COLGALT2: variants seen among roughly 807,000 people sequenced by gnomAD.
The protein encoded by COLGALT2 is procollagen galactosyltransferase 2.
In COLGALT2, 49 loss-of-function variants were observed where a neutral mutation model predicts 73.4. The ratio of observed to expected loss-of-function variants is 0.67; its 90% CI spans 0.53 to 0.85. COLGALT2 has a LOEUF of 0.85. Ranked by LOEUF, COLGALT2 falls within the 40% of genes least tolerant of loss-of-function variation. The pLI is 0.00. For synonymous variants in COLGALT2, 295 were observed against 307.6 expected (o/e 0.96, Z 0.43); for missense variants, 722 against 790.2 (o/e 0.91, Z 1.03).
downstream of COLGALT2, among the ~76,000 whole-genome samples, chr1:183,932,875 A>G (rs1175472349): frequency 6.6e-6 from 1 of 152,092 alleles, no homozygotes; most frequent in Non-Finnish European, 1.5e-5. Context: ...TTCTCACCAG[A>G]AACTCTGCTC....
intron 10 of COLGALT2, among the ~76,000 whole-genome samples, chr1:183,942,350 G>C (rs1348458887): frequency 2.0e-5 from 3 of 151,612 alleles, no homozygotes; most frequent in Non-Finnish European, 4.4e-5. Flanking sequence ...AAAAAAAGAA[G>C]GTAAACTATG....
At position 183,935,842 on chromosome 1, in the gene COLGALT2, A is replaced by G; in HGVS notation, c.*2919T>C. On this transcript the variant is annotated 3_prime_UTR_variant, in exon 12 of 12. Coordinates refer to ENST00000361927, the MANE Select transcript of COLGALT2 (RefSeq NM_015101.4). The stretch of plus-strand genomic sequence containing the variant: ...CAATTGACAATCATATCTTTGAGCT[A>G]AGTTTTTTTTTAATTTTTCACAAAG... The G allele has an allele frequency of 1.0e-6, 1 of 985,066 alleles. No homozygotes were observed. Among genetic ancestry groups the G allele is most frequent in the Non-Finnish European group, 1.2e-6 (1 of 829,626 alleles). The allele number at this position is 985,066 out of a possible 1,614,324, so 61.0% of individuals were successfully genotyped here. A position where few individuals can be genotyped will look rare whatever the true frequency, so the allele number is the denominator to read the frequency against.
chr1:184,008,835 T>TTAG (rs1469823388), intron 1 of COLGALT2, among the ~76,000 whole-genome samples: 5 of 152,172 alleles, frequency 3.3e-5, no homozygotes, highest in Non-Finnish European at 7.4e-5. Context: ...TGAAGTATTT[T>TTAG]TAGTAGAGGC....
At chr1:184,027,297 C>T (rs1649360863) in intron 1 of COLGALT2, among the ~76,000 whole-genome samples, 1 of 152,144 alleles carries the variant, frequency 6.6e-6, no homozygotes, top group African/African-American at 2.4e-5. Flanking sequence ...ACTTTAAGTG[C>T]ATACATAGCC....
At chr1:183,997,848 A>C (rs962709602) in intron 1 of COLGALT2, among the ~76,000 whole-genome samples, 3 of 152,252 alleles carry the variant, frequency 2.0e-5, no homozygotes, top group Non-Finnish European at 2.9e-5. Context: ...GTAGTTGATA[A>C]ATTCACTGCC....
chr1:183,958,586 G>T (rs1670613770), intron 6 of COLGALT2, among the ~76,000 whole-genome samples: 1 of 151,598 alleles, frequency 6.6e-6, no homozygotes, highest in South Asian at 2.1e-4. Flanking sequence ...ACTTCAGAAA[G>T]AAAATATTCA....
intron 1 of COLGALT2, among the ~76,000 whole-genome samples, chr1:184,026,444 A>G (rs1323527893): frequency 6.6e-6 from 1 of 152,192 alleles, no homozygotes; most frequent in East Asian, 1.9e-4. Context: ...CTGAGTTGCA[A>G]TCTTCCCCAC....
chr1:184,022,157 C>T (rs978058154), intron 1 of COLGALT2, among the ~76,000 whole-genome samples: 1 of 152,240 alleles, frequency 6.6e-6, no homozygotes, highest in South Asian at 2.1e-4. Context: ...TCATTCTGTA[C>T]AAGGTGAAAG....
Position 183,937,130 on chromosome 1 carries a change from T to A in COLGALT2, c.*1631A>T. ...TACACTCGTACACTAAGCTTGTGTA[T>A]GTAGCACCACCCGCCTGTGGACTCT... On this transcript the variant is annotated 3_prime_UTR_variant, in exon 12 of 12. Coordinates refer to ENST00000361927, the MANE Select transcript of COLGALT2 (RefSeq NM_015101.4). 1 of 1,229,932 alleles carries A rather than the reference T, an allele frequency of 8.1e-7. No individual in the cohort carries two copies. The allele number at this position is 1,229,932 out of a possible 1,614,324, so 76.2% of individuals were successfully genotyped here.
downstream of COLGALT2, among the ~76,000 whole-genome samples, chr1:183,933,504 T>C (rs531176025): frequency 8.5e-5 from 13 of 152,360 alleles, no homozygotes; most frequent in Admixed American, 2.0e-4. Flanking sequence ...GTTAAAGCCC[T>C]TCAGGCCACA....
intron 1 of COLGALT2, among the ~76,000 whole-genome samples, chr1:184,005,571 C>T (rs1672050717): frequency 6.6e-6 from 1 of 152,194 alleles, no homozygotes; most frequent in Non-Finnish European, 1.5e-5. Context: ...CTATGCCCTT[C>T]CTGCCTGGAA....
At chr1:184,024,631 G>A (rs1441153776) in intron 1 of COLGALT2, among the ~76,000 whole-genome samples, 4 of 149,044 alleles carry the variant, frequency 2.7e-5, no homozygotes, top group African/African-American at 9.9e-5. Flanking sequence ...GTTTACAGGC[G>A]TGAGCCACCA....
At position 183,939,046 on chromosome 1, in the gene COLGALT2, A is replaced by C. The variant is rs1670039966; in HGVS notation, c.1605-9T>G. On this transcript the variant is annotated splice_polypyrimidine_tract_variant and intron_variant, in intron 11 of 11. Transcript: ENST00000361927. Reference sequence around the variant, plus strand: ...ACTCCTTGTACTCGGCTCTGAAAACAAGAAGGTGGCCGGACACATGAGGGG... The same window carrying C: ...ACTCCTTGTACTCGGCTCTGAAAACCAGAAGGTGGCCGGACACATGAGGGG... 2.5e-6 allele frequency: 4 copies of C among 1,604,950 alleles called. No homozygotes were observed. Among genetic ancestry groups the C allele is most frequent in the Non-Finnish European group, 2.6e-6 (3 of 1,172,548 alleles).
At chr1:183,933,849 G>A (rs1669895607), downstream of COLGALT2, among the ~76,000 whole-genome samples, 1 of 152,128 alleles carries the variant, frequency 6.6e-6, no homozygotes, top group East Asian at 1.9e-4. Flanking sequence ...TTACAGGGAC[G>A]GGCATAAAAA....
chr1:183,971,454 C>T (rs949080803), intron 4 of COLGALT2, among the ~76,000 whole-genome samples: 6 of 152,100 alleles, frequency 3.9e-5, no homozygotes, highest in East Asian at 1.9e-4. Context: ...TTGTAGGCTG[C>T]GGCCACTAGG....
rs1016940855 is a variant in COLGALT2 at position 183,997,472 on chromosome 1, G to GTGTCCA, written c.264-18958_264-18953dup. Among the ~76,000 whole-genome samples the GTGTCCA allele has an allele frequency of 9.2e-5, 14 of 152,216 alleles. No homozygotes were observed. In the East Asian group the frequency reaches 2.7e-3, roughly 29 times the overall value. On this transcript the variant is annotated intron_variant, in intron 1 of 11. Transcript: ENST00000361927. The stretch of plus-strand genomic sequence containing the variant: ...TCCCTTAGTATTTTTTATAGCAGAG[G>GTGTCCA]TGTCCAATCTCTTGGCTTCCCTGGG...
chr1:183,940,566 T>C lies in COLGALT2; in HGVS notation c.1604+15A>G. ...GCTGTGCCCAAGGGAAGGCAGGCAG[T>C]TCAGGGAGACTCACACGGGATGCTT... On this transcript the variant is annotated intron_variant, in intron 11 of 11. Transcript: ENST00000361927. 6.2e-7 allele frequency: 1 copy of C among 1,613,130 alleles called. No individual in the cohort carries two copies. Among genetic ancestry groups the C allele is most frequent in the East Asian group, 2.2e-5 (1 of 44,876 alleles).
downstream of COLGALT2, among the ~76,000 whole-genome samples, chr1:183,934,751 A>G (rs763866464): frequency 1.2e-4 from 18 of 152,212 alleles, no homozygotes; most frequent in Middle Eastern, 3.4e-3. Flanking sequence ...AGCGGGAGGG[A>G]TTTGCTCCAA....
chr1:184,024,470 A>G (rs1649270988), intron 1 of COLGALT2, among the ~76,000 whole-genome samples: 1 of 150,988 alleles, frequency 6.6e-6, no homozygotes, highest in Non-Finnish European at 1.5e-5. Context: ...CTCCTGCCTC[A>G]GCCTCCCGAG....
Sources: allele counts gnomAD v4.1 joint callset (sites outside exome capture counted in the v4.1 genomes callset), GRCh38; gene constraint gnomAD v4.1.1; transcripts MANE v1.5; gene names NCBI Gene and HGNC (gene_info 2026-07-23, HGNC 2026-07-21).